The following DMD variants were observed in gnomAD, a reference collection of about 807,000 sequenced individuals.
DMD encodes the protein dystrophin, also known as mutant dystrophin.
DMD carries 63 observed loss-of-function variants against 330.1 expected under a neutral mutation model. That is an observed-to-expected ratio of 0.19 (90% CI 0.16 to 0.24). DMD has a LOEUF of 0.24. DMD is among the 10% of genes least tolerant of loss of function. The pLI, the probability that DMD is intolerant of heterozygous loss-of-function variation, is 1.00. For synonymous variants in DMD, 1,223 were observed against 959.8 expected (o/e 1.27, Z -5.07); for missense variants, 3,344 against 2,684.1 (o/e 1.25, Z -5.43).
At chrX:33,227,712 AAG>A (rs759143130) in intron 1 of DMD, among the ~76,000 whole-genome samples, 13,479 of 104,259 alleles carry the variant, frequency 0.13, 1,307 homozygotes, top group African/African-American at 0.33. Flanking sequence ...ATAGTTTTTA[AAG>A]AGAGAGAGAG....
intron 15 of DMD, among the ~76,000 whole-genome samples, chrX:32,572,615 T>C (rs2052554879): frequency 9.1e-6 from 1 of 109,960 alleles, no homozygotes; most frequent in Non-Finnish European, 1.9e-5. Context: ...TGAAGTCTTT[T>C]CTGAAATCCA....
intron 44 of DMD, among the ~76,000 whole-genome samples, chrX:32,097,551 A>C (rs2096516734): frequency 9.0e-6 from 1 of 111,563 alleles, no homozygotes; most frequent in Non-Finnish European, 1.9e-5. Flanking sequence ...TTCTTATCCT[A>C]AGGAAAAGTA....
At chrX:31,313,273 TTTATTGCCCAAA>T (rs2055686129) in intron 62 of DMD, among the ~76,000 whole-genome samples, 1 of 110,875 alleles carries the variant, frequency 9.0e-6, no homozygotes, top group African/African-American at 3.3e-5. Context: ...TTTGTTCCCC[TTTATTGCCCAAA>T]GCAGCAAAGA....
At position 31,435,202 on chromosome X, in the gene DMD, A is replaced by G. The variant is rs764275828; in HGVS notation, c.9084+9279T>C. 8.9e-5 allele frequency among the ~76,000 whole-genome samples: 10 copies of G among 112,147 alleles called. No homozygotes were observed. In the South Asian group the frequency reaches 3.7e-3, roughly 42 times the overall value. On this transcript the variant is annotated intron_variant, in intron 60 of 78. Coordinates refer to ENST00000357033, the MANE Select transcript of DMD (RefSeq NM_004006.3). ...GCTTAAAAGCATTAGCACATGCAAA[A>G]GTGCTTATAATTGTGAATGGCATAC...
chrX:31,974,551 AATACAAATGCTGAAACC>A, intron 44 of DMD, among the ~76,000 whole-genome samples: 1 of 109,958 alleles, frequency 9.1e-6, no homozygotes, highest in African/African-American at 3.3e-5. Flanking sequence ...GTACCTTACT[AATACAAATGCTGAAACC>A]ATACAAATGT....
In DMD at chrX:31,331,528, A is replaced by G. The variant is rs1053236039; in HGVS notation, c.9164-7870T>C. 2.7e-5 allele frequency among the ~76,000 whole-genome samples: 3 copies of G among 112,005 alleles called. No homozygotes were observed. The Admixed American group carries it at 2.8e-4, about 11-fold the overall frequency. On this transcript the variant is annotated intron_variant, in intron 61 of 78. Coordinates refer to ENST00000357033, the MANE Select transcript of DMD (RefSeq NM_004006.3). The stretch of plus-strand genomic sequence containing the variant: ...TATTAGAAGAGTAAGAAAGCAATCA[A>G]GCTTCCTAAGGTCAGATATAGGAAG...
At chrX:33,111,518 G>GC in intron 1 of DMD, among the ~76,000 whole-genome samples, 1 of 111,961 alleles carries the variant, frequency 8.9e-6, no homozygotes, top group Middle Eastern at 4.6e-3. Flanking sequence ...ATTTGGTATT[G>GC]CCATACGTGA....
chrX:32,407,085 A>G (rs1262834288), intron 30 of DMD, among the ~76,000 whole-genome samples: 7 of 111,680 alleles, frequency 6.3e-5, no homozygotes, highest in Admixed American at 5.7e-4. Flanking sequence ...CATGACGAAA[A>G]CAACAAAAGC....
At chrX:31,130,811 C>T (rs1385184662) in intron 77 of DMD, among the ~76,000 whole-genome samples, 1 of 111,986 alleles carries the variant, frequency 8.9e-6, no homozygotes, top group African/African-American at 3.2e-5. Flanking sequence ...TCAGGACCAA[C>T]TCTGTGGCAA....
rs776063281 is a variant in DMD, at chrX:31,618,217, A to G, written c.8217+9456T>C. 1.8e-3 allele frequency among the ~76,000 whole-genome samples: 169 copies of G among 95,331 alleles called. 1 individual carries two copies. The highest frequency in any genetic ancestry group is 6.4e-3 in the African/African-American group (164 of 25,566). 82.8% of individuals were successfully genotyped at this position (95,331 alleles called of 115,157 possible). A position where few individuals can be genotyped will look rare whatever the true frequency, so the allele number is the denominator to read the frequency against. On this transcript the variant is annotated intron_variant, in intron 55 of 78. Coordinates refer to ENST00000357033, the MANE Select transcript of DMD (RefSeq NM_004006.3). ...AACAAACCTGCACATGTGCCCCTAGAGCTTAAAATAAAAGTGAAAAAAAAA... is the reference window on the plus strand; with the variant it reads ...AACAAACCTGCACATGTGCCCCTAGGGCTTAAAATAAAAGTGAAAAAAAAA...
At chrX:31,847,084 A>G (rs900586623) in intron 48 of DMD, among the ~76,000 whole-genome samples, 2 of 111,348 alleles carry the variant, frequency 1.8e-5, no homozygotes, top group Admixed American at 9.6e-5. Context: ...CAAGTCACCA[A>G]AATAGCCCTA....
At chrX:32,735,367 T>C (rs1039210450) in intron 7 of DMD, among the ~76,000 whole-genome samples, 1 of 110,467 alleles carries the variant, frequency 9.1e-6, no homozygotes, top group Admixed American at 9.6e-5. Flanking sequence ...TTCAATGTCA[T>C]CCCCATCAAG....
chrX:32,063,407 A>G (rs186834988), intron 44 of DMD, among the ~76,000 whole-genome samples: 101 of 111,138 alleles, frequency 9.1e-4, no homozygotes, highest in Non-Finnish European at 1.7e-3. Flanking sequence ...TCTTTCTATA[A>G]TGTTCTCGTT....
chrX:33,198,908 G>A (rs2051111037), intron 1 of DMD, among the ~76,000 whole-genome samples: 1 of 109,147 alleles, frequency 9.2e-6, no homozygotes, highest in Non-Finnish European at 1.9e-5. Flanking sequence ...GGGGAAACGG[G>A]GAGGTTCTAG....
At chrX:31,890,927 A>G (rs1188222968) in intron 47 of DMD, among the ~76,000 whole-genome samples, 1 of 111,936 alleles carries the variant, frequency 8.9e-6, no homozygotes, top group Non-Finnish European at 1.9e-5. Flanking sequence ...AAATGGCATG[A>G]CCTACATAAC....
At chrX:32,344,023 G>T (rs775436859) in intron 39 of DMD, among the ~76,000 whole-genome samples, 2 of 111,992 alleles carry the variant, frequency 1.8e-5, no homozygotes, top group East Asian at 5.6e-4. Context: ...AACAGCAAGT[G>T]CATGCTTTCA....
intron 44 of DMD, among the ~76,000 whole-genome samples, chrX:32,038,570 A>G (rs971848765): frequency 1.3e-4 from 14 of 110,895 alleles, no homozygotes; most frequent in African/African-American, 4.6e-4. Flanking sequence ...AGTGTCAGGG[A>G]CCTTGTTGGT....
chrX:31,462,262 C>T (rs1162739827), intron 59 of DMD, among the ~76,000 whole-genome samples: 1 of 111,064 alleles, frequency 9.0e-6, no homozygotes, highest in Non-Finnish European at 1.9e-5. Flanking sequence ...GGCAGATCAC[C>T]TGAGGTCAGG....
intron 43 of DMD, among the ~76,000 whole-genome samples, chrX:32,277,790 A>G (rs771751662): frequency 1.1e-4 from 12 of 110,782 alleles, no homozygotes; most frequent in Non-Finnish European, 2.1e-4. Context: ...CCACATACCA[A>G]AACCTATGGG....
Sources: allele counts gnomAD v4.1 joint callset (sites outside exome capture counted in the v4.1 genomes callset), GRCh38; gene constraint gnomAD v4.1.1; transcripts MANE v1.5; gene names NCBI Gene and HGNC (gene_info 2026-07-23, HGNC 2026-07-21).